Variants in P4HA1 observed in about 807,000 individuals in gnomAD.
The protein encoded by P4HA1 is prolyl 4-hydroxylase subunit alpha-1.
In P4HA1, 24 loss-of-function variants were observed where a neutral mutation model predicts 72.8. The ratio of observed to expected loss-of-function variants is 0.33; its 90% CI spans 0.24 to 0.46. The LOEUF is 0.46. P4HA1 is among the 20% of genes least tolerant of loss of function. The pLI is 1.00. For synonymous variants in P4HA1, 201 were observed against 218.8 expected (o/e 0.92, Z 0.72); for missense variants, 446 against 640.6 (o/e 0.70, Z 3.28).
At chr10:73,014,185 A>G in intron 12 of P4HA1, 39 bp downstream of exon 12, 1 of 1,327,938 alleles carries the variant, frequency 7.5e-7, no homozygotes, top group South Asian at 1.2e-5. Flanking sequence ...TCTTGTCATC[A>G]AATCCCAACT....
chr10:73,058,372 A>C (rs1841211504), intron 5 of P4HA1, among the ~76,000 whole-genome samples: 1 of 152,158 alleles, frequency 6.6e-6, no homozygotes, highest in Non-Finnish European at 1.5e-5. Context: ...TAGTGTAGGA[A>C]CATGTACCCA....
chr10:73,044,666 T>C (rs1840811442), intron 9 of P4HA1, among the ~76,000 whole-genome samples: 1 of 152,116 alleles, frequency 6.6e-6, no homozygotes, highest in Non-Finnish European at 1.5e-5. Context: ...ATTTCCCCCT[T>C]TGGCAACAAA....
chr10:73,070,951 G>A (rs867739568), intron 4 of P4HA1, among the ~76,000 whole-genome samples: 3 of 152,122 alleles, frequency 2.0e-5, no homozygotes, highest in Non-Finnish European at 2.9e-5. Flanking sequence ...GGAGGCTGAG[G>A]TGGAAGGATC....
intron 1 of P4HA1, among the ~76,000 whole-genome samples, chr10:73,088,542 C>T (rs1042523942): frequency 6.6e-6 from 1 of 152,200 alleles, no homozygotes; most frequent in African/African-American, 2.4e-5. Flanking sequence ...CTTGCTTCAT[C>T]CTGGACTAAA....
At chr10:73,085,591 C>G (rs916786920) in intron 1 of P4HA1, among the ~76,000 whole-genome samples, 8 of 152,078 alleles carry the variant, frequency 5.3e-5, no homozygotes, top group Non-Finnish European at 1.2e-4. Flanking sequence ...CCATGTTGGT[C>G]AGGCTGGTCT....
chr10:73,037,715 C>A (rs777098723), intron 9 of P4HA1, among the ~76,000 whole-genome samples: 5 of 149,794 alleles, frequency 3.3e-5, no homozygotes, highest in Admixed American at 2.7e-4. Context: ...TTTATCCAGT[C>A]CCTTTGCTTC....
rs112144582 is a variant in P4HA1, at chr10:73,085,142, T to TAA, written c.-32-10229_-32-10228dup. ...GGTGACAGAGTGAGTCCATCTCATT[T>TAA]AAAAAAAAAAATTATTTTCATAACC... On this transcript the variant is annotated intron_variant, in intron 1 of 14. Coordinates refer to ENST00000394890, the MANE Select transcript of P4HA1 (RefSeq NM_001017962.3). Among the ~76,000 whole-genome samples the TAA allele has an allele frequency of 9.9e-4, 148 of 149,268 alleles. 1 individual carries two copies. Among genetic ancestry groups the TAA allele is most frequent in the African/African-American group, 3.5e-3 (143 of 40,882 alleles).
intron 1 of P4HA1, among the ~76,000 whole-genome samples, chr10:73,078,836 T>A: frequency 6.6e-6 from 1 of 152,060 alleles, no homozygotes; most frequent in East Asian, 1.9e-4. Context: ...GGTCTCAAAC[T>A]CCTGACCTCA....
In P4HA1 at chr10:73,051,139, T is replaced by A; in HGVS notation, c.814A>T (p.Thr272Ser). The A allele has an allele frequency of 6.2e-7, 1 of 1,613,924 alleles. No homozygotes were observed. The highest frequency in any genetic ancestry group is 8.5e-7 in the Non-Finnish European group (1 of 1,179,802). The change falls in exon 7 of 15, where the codon ACA becomes TCA. Residue 272 changes from threonine to serine, a missense_variant. Transcript: ENST00000394890. ...ASDDQSDQKT[T>S]PKKKGVAVDY... The stretch of plus-strand genomic sequence containing the variant: ...ACAGCAACCCCTTTTTTCTTTGGTG[T>A]AGTTTTCTGATCAGATTGGTCATCT...
intron 5 of P4HA1, among the ~76,000 whole-genome samples, chr10:73,058,090 GAAAAAAA>G (rs869244017): frequency 5.2e-4 from 12 of 23,072 alleles, no homozygotes; most frequent in Admixed American, 1.3e-3. Context: ...ACTCCGTCCA[GAAAAAAA>G]AAAAAAAAAA....
chr10:73,017,516 A>G (rs1294532380), intron 10 of P4HA1, among the ~76,000 whole-genome samples: 5 of 152,180 alleles, frequency 3.3e-5, no homozygotes, highest in Non-Finnish European at 7.3e-5. Flanking sequence ...CTAAAATTTG[A>G]GATTTCTATT....
intron 9 of P4HA1, 27 bp from the exon 10 acceptor site, chr10:73,030,397 A>T (rs754831728): frequency 8.0e-7 from 1 of 1,242,286 alleles, no homozygotes; most frequent in African/African-American, 1.5e-5. Flanking sequence ...TATTAGTTTT[A>T]TTGATAATGT....
chr10:73,056,330 T>G (rs1189927677), intron 5 of P4HA1, among the ~76,000 whole-genome samples: 1 of 152,094 alleles, frequency 6.6e-6, no homozygotes, highest in Non-Finnish European at 1.5e-5. Context: ...ATAGAAAATA[T>G]GAACAAATAA....
chr10:73,048,025 C>T (rs1303862234), intron 7 of P4HA1, among the ~76,000 whole-genome samples: 1 of 152,094 alleles, frequency 6.6e-6, no homozygotes, highest in Admixed American at 6.6e-5. Context: ...ACACTCCAGC[C>T]TGGGTGACAG....
intron 9 of P4HA1, 145 bp downstream of exon 9, chr10:73,044,836 T>C (rs1840816057): frequency 2.0e-6 from 1 of 500,016 alleles, no homozygotes; most frequent in Non-Finnish European, 3.5e-6. Flanking sequence ...ACAAAGCAGT[T>C]TATCCATGCG....
intron 1 of P4HA1, among the ~76,000 whole-genome samples, chr10:73,092,917 G>C (rs999695280): frequency 6.6e-6 from 1 of 151,598 alleles, no homozygotes; most frequent in Non-Finnish European, 1.5e-5. Flanking sequence ...CCAGGAGTTC[G>C]AGACTAGCCT....
chr10:73,069,285 G>A (rs1841495319), intron 4 of P4HA1, among the ~76,000 whole-genome samples: 1 of 152,116 alleles, frequency 6.6e-6, no homozygotes, highest in African/African-American at 2.4e-5. Flanking sequence ...ATATAACACA[G>A]CAAGAAAACA....
intron 10 of P4HA1, among the ~76,000 whole-genome samples, chr10:73,025,979 T>A (rs1299153247): frequency 6.6e-6 from 1 of 152,164 alleles, no homozygotes; most frequent in Non-Finnish European, 1.5e-5. Flanking sequence ...TGGAAGAACA[T>A]TCCATGCTCA....
chr10:73,075,000 A>C, intron 1 of P4HA1, 85 bp from the exon 2 acceptor site: 1 of 587,400 alleles, frequency 1.7e-6, no homozygotes, highest in Non-Finnish European at 3.0e-6. Flanking sequence ...TCTATGAAAA[A>C]GTAAAAGATT....
Sources: gnomAD v4.1 joint callset for allele counts (sites outside exome capture counted in the v4.1 genomes callset) on GRCh38, gnomAD v4.1.1 for gene constraint, MANE v1.5 for transcripts, NCBI Gene and HGNC (gene_info 2026-07-23, HGNC 2026-07-21) for gene names.